PBX3: variants seen among roughly 807,000 people sequenced by gnomAD.
PBX3 encodes the protein pre-B-cell leukemia transcription factor 3.
A neutral mutation model predicts 48.5 loss-of-function variants in PBX3; 14 were observed. The ratio of observed to expected loss-of-function variants is 0.29; its 90% CI spans 0.19 to 0.45. The LOEUF (loss-of-function observed/expected upper bound fraction) is 0.45. PBX3 is among the 20% of genes least tolerant of loss of function. The pLI is 1.00. For synonymous variants in PBX3, 210 were observed against 200.3 expected, an observed-to-expected ratio of 1.05 and a Z score of -0.41; for missense variants, 386 against 546.7, an observed-to-expected ratio of 0.71 and a Z score of 2.93.
chr9:125,848,307 G>T (rs560838679), intron 2 of PBX3, among the ~76,000 whole-genome samples: 15 of 152,044 alleles, frequency 9.9e-5, no homozygotes, highest in African/African-American at 3.6e-4. Flanking sequence ...CCACATTTTA[G>T]TTTTTAATCT....
At chr9:125,797,764 A>G (rs1469625832) in intron 2 of PBX3, among the ~76,000 whole-genome samples, 1 of 152,156 alleles carries the variant, frequency 6.6e-6, no homozygotes, top group Non-Finnish European at 1.5e-5. Flanking sequence ...ATTGTACATT[A>G]GGTATTTAGA....
chr9:125,781,637 A>C (rs994568548), intron 2 of PBX3, among the ~76,000 whole-genome samples: 1 of 151,988 alleles, frequency 6.6e-6, no homozygotes, highest in Non-Finnish European at 1.5e-5. Context: ...ATCTTTTCAA[A>C]GAAACAAATT....
Position 125,966,064 on chromosome 9 carries a change from G to T in PBX3, c.*141G>T. 1.9e-6 allele frequency: 1 copy of T among 531,490 alleles called. No homozygotes were observed. Among genetic ancestry groups the T allele is most frequent in the Non-Finnish European group, 3.4e-6 (1 of 296,270 alleles). 32.9% of individuals were successfully genotyped at this position (531,490 alleles called of 1,614,324 possible). Reference sequence around the variant, plus strand: ...TCTTATTCGAGAACTTGGTAAATCTGTTTTTTAAGGAATCATAATCATTTG... The same window carrying T: ...TCTTATTCGAGAACTTGGTAAATCTTTTTTTTAAGGAATCATAATCATTTG... On this transcript the variant is annotated 3_prime_UTR_variant, in exon 9 of 9. Coordinates refer to ENST00000373489, the MANE Select transcript of PBX3 (RefSeq NM_006195.6).
At chr9:125,878,451 T>G (rs554533011) in intron 2 of PBX3, among the ~76,000 whole-genome samples, 1 of 152,380 alleles carries the variant, frequency 6.6e-6, no homozygotes, top group African/African-American at 2.4e-5. Context: ...GCCCAGCAGC[T>G]GACTGGGTGT....
chr9:125,748,401 C>G (rs914565374), intron 1 of PBX3, 149 bp from the exon 2 acceptor site: 17 of 1,416,300 alleles, frequency 1.2e-5, no homozygotes, highest in African/African-American at 4.3e-5. Flanking sequence ...GGGAACTAGT[C>G]AACTGGAGTT....
intron 5 of PBX3, among the ~76,000 whole-genome samples, chr9:125,942,675 G>A (rs1035375769): frequency 6.6e-6 from 1 of 152,174 alleles, no homozygotes; most frequent in Non-Finnish European, 1.5e-5. Flanking sequence ...CCAGAAACAA[G>A]TTGAAGGAAA....
intron 2 of PBX3, among the ~76,000 whole-genome samples, chr9:125,816,575 G>A (rs1338911573): frequency 1.3e-5 from 2 of 152,274 alleles, no homozygotes; most frequent in South Asian, 2.1e-4. Flanking sequence ...GGATTAGAGC[G>A]GCTAAGTAAG....
chr9:125,826,310 A>T (rs1163905134), intron 2 of PBX3, among the ~76,000 whole-genome samples: 1 of 152,160 alleles, frequency 6.6e-6, no homozygotes, highest in African/African-American at 2.4e-5. Flanking sequence ...TCATATCTTG[A>T]TTATTTGTCA....
intron 5 of PBX3, among the ~76,000 whole-genome samples, chr9:125,956,578 A>C (rs545055437): frequency 6.6e-6 from 1 of 152,218 alleles, no homozygotes; most frequent in African/African-American, 2.4e-5. Context: ...AGCGGACTGC[A>C]TAATGTGCAC....
rs747549247 is a variant in PBX3 at position 125,935,473 on chromosome 9, C to T, written c.709C>T (p.Arg237Trp). The T allele has an allele frequency of 6.2e-7, 1 of 1,613,044 alleles. No homozygotes were observed. Residue 237 changes from arginine (R) to tryptophan (W), a missense_variant and splice_region_variant, in exon 5 of 9, where the codon CGG becomes TGG. Coordinates refer to ENST00000373489, the MANE Select transcript of PBX3 (RefSeq NM_006195.6). ...TATTTTCTTTCACTCTTGTCATAGA[C>T]GGAAAAGGCGTAACTTCAGTAAACA... ...ILRSRFLDAR[R>W]KRRNFSKQAT...
chr9:125,749,311 G>C (rs1467748435), intron 2 of PBX3: 1 of 152,176 alleles, frequency 6.6e-6, no homozygotes, highest in East Asian at 1.9e-4. Flanking sequence ...TAAGAAGATA[G>C]GTTTTGCAGA....
intron 2 of PBX3, among the ~76,000 whole-genome samples, chr9:125,750,923 A>G (rs1177067191): frequency 1.3e-5 from 2 of 152,232 alleles, no homozygotes; most frequent in Non-Finnish European, 2.9e-5. Flanking sequence ...AGAATGAGAC[A>G]GGGACTCAGA....
chr9:125,758,551 C>T (rs1452205187), intron 2 of PBX3, among the ~76,000 whole-genome samples: 1 of 152,048 alleles, frequency 6.6e-6, no homozygotes, highest in Non-Finnish European at 1.5e-5. Flanking sequence ...TAGCTGTCAA[C>T]CATTGTAATG....
intron 2 of PBX3, among the ~76,000 whole-genome samples, chr9:125,911,699 C>G (rs550898076): frequency 6.6e-6 from 1 of 151,856 alleles, no homozygotes; most frequent in African/African-American, 2.4e-5. Context: ...AAAATTACAG[C>G]GACGTCGTAG....
chr9:125,766,750 TTCTA>T (rs894006247), intron 2 of PBX3, among the ~76,000 whole-genome samples: 1 of 152,146 alleles, frequency 6.6e-6, no homozygotes, highest in Non-Finnish European at 1.5e-5. Flanking sequence ...TAGCTGAGTT[TTCTA>T]TCTATAAGGT....
At chr9:125,812,409 ATGGATGTAGTC>A (rs1342751396) in intron 2 of PBX3, among the ~76,000 whole-genome samples, 1 of 152,230 alleles carries the variant, frequency 6.6e-6, no homozygotes, top group Non-Finnish European at 1.5e-5. Flanking sequence ...GTTAGATATT[ATGGATGTAGTC>A]TGCTTATTTG....
At chr9:125,884,915 A>C (rs960686351) in intron 2 of PBX3, among the ~76,000 whole-genome samples, 3 of 152,160 alleles carry the variant, frequency 2.0e-5, no homozygotes, top group African/African-American at 7.2e-5. Context: ...ATGACTTTCA[A>C]TGTATTTTCA....
At chr9:125,807,037 T>A (rs1028880014) in intron 2 of PBX3, among the ~76,000 whole-genome samples, 1 of 152,186 alleles carries the variant, frequency 6.6e-6, no homozygotes, top group Non-Finnish European at 1.5e-5. Context: ...AAGAAAGAAA[T>A]ATTAGCTGGG....
chr9:125,949,423 A>G, intron 5 of PBX3: 1 of 1,550,860 alleles, frequency 6.4e-7, no homozygotes, highest in Middle Eastern at 1.7e-4. Context: ...AGGTTCTGAC[A>G]TCCAGCCAAC....
Sources: gnomAD v4.1 joint callset for allele counts (sites outside exome capture counted in the v4.1 genomes callset) on GRCh38, gnomAD v4.1.1 for gene constraint, MANE v1.5 for transcripts, NCBI Gene and HGNC (gene_info 2026-07-23, HGNC 2026-07-21) for gene names.